DLD: variants seen among roughly 807,000 people sequenced by gnomAD.
The protein encoded by DLD is dihydrolipoyl dehydrogenase, mitochondrial.
In DLD, 36 loss-of-function variants were observed where a neutral mutation model predicts 62.2. The observed-to-expected ratio is 0.58, with a 90% CI of 0.44 to 0.76. The LOEUF (loss-of-function observed/expected upper bound fraction) is 0.76. DLD is among the 30% of genes least tolerant of loss of function. DLD has a pLI of 0.00. For synonymous variants in DLD, 204 were observed against 199.6 expected (o/e 1.02, Z -0.19); for missense variants, 541 against 608.6 (o/e 0.89, Z 1.17).
At chr7:107,893,843 A>G (rs976585884) in intron 2 of DLD, among the ~76,000 whole-genome samples, 2 of 152,226 alleles carry the variant, frequency 1.3e-5, no homozygotes, top group African/African-American at 2.4e-5. Context: ...AGTTTGGATT[A>G]TACTCCAAGT....
At position 107,920,280 on chromosome 7, in the gene DLD, GGA is replaced by G; in HGVS notation, c.*1022_*1023del. On this transcript the variant is annotated 3_prime_UTR_variant, in exon 14 of 14. Coordinates refer to ENST00000205402, the MANE Select transcript of DLD (RefSeq NM_000108.5). Reference sequence around the variant, plus strand: ...GGTGTTTAAAATGGCCATGTCCTGAGGAAACTTAAGTAACAAAGTACTAAATG... The same window carrying G: ...GGTGTTTAAAATGGCCATGTCCTGAGAACTTAAGTAACAAAGTACTAAATG... 6.6e-6 allele frequency: 1 copy of G among 152,274 alleles called. No individual in the cohort carries two copies. The highest frequency in any genetic ancestry group is 2.4e-5 in the African/African-American group (1 of 41,432). The allele number at this position is 152,274 out of a possible 1,614,324, so 9.4% of individuals were successfully genotyped here.
chr7:107,912,654 G>T (rs1392124423), intron 8 of DLD, among the ~76,000 whole-genome samples: 1 of 151,666 alleles, frequency 6.6e-6, no homozygotes, highest in East Asian at 1.9e-4. Context: ...TTCGGATCTG[G>T]TGCTCATTTT....
intron 3 of DLD, 121 bp downstream of exon 3, chr7:107,901,938 G>A (rs970263986): frequency 1.3e-6 from 1 of 797,238 alleles, no homozygotes; most frequent in East Asian, 2.6e-5. Context: ...TAAATTACTT[G>A]TAAGCCTGAG....
intron 5 of DLD, 125 bp downstream of exon 5, chr7:107,903,672 A>G (rs1424563055): frequency 7.0e-6 from 4 of 572,880 alleles, no homozygotes; most frequent in Non-Finnish European, 1.3e-5. Flanking sequence ...AAAATAAATA[A>G]TCTAAAAAAT....
At chr7:107,893,351 G>T (rs2031639136) in intron 2 of DLD, 73 bp downstream of exon 2, 1 of 1,116,938 alleles carries the variant, frequency 9.0e-7, no homozygotes, top group Admixed American at 2.0e-5. Flanking sequence ...GTAAAAGCAA[G>T]TGAATATTGG....
rs767210810 is a variant in DLD, at chr7:107,905,039, A to G, written c.419A>G (p.His140Arg). ...AVKALTGGIA[H>R]LFKQNKVVHV... The stretch of plus-strand genomic sequence containing the variant: ...AAAGCTTTAACAGGTGGAATTGCCC[A>G]CTTATTCAAACAGAATAAGGTCAGT... Residue 140 changes from histidine (H) to arginine (R), a missense_variant, in exon 6 of 14, where the codon CAC (histidine) becomes CGC (arginine). His to Arg is a conservative substitution (Grantham distance 29). Coordinates refer to ENST00000205402, the MANE Select transcript of DLD (RefSeq NM_000108.5). 4.9e-5 allele frequency: 79 copies of G among 1,608,928 alleles called. No homozygotes were observed. Among genetic ancestry groups the G allele is most frequent in the South Asian group, 2.0e-4 (18 of 90,910 alleles).
At chr7:107,908,493 A>T (rs1280708997) in intron 8 of DLD, among the ~76,000 whole-genome samples, 1 of 151,748 alleles carries the variant, frequency 6.6e-6, no homozygotes, top group African/African-American at 2.4e-5. Context: ...CAATGTGAGA[A>T]CTTATCTCTA....
At chr7:107,898,909 G>A (rs1339543555) in intron 2 of DLD, among the ~76,000 whole-genome samples, 2 of 152,130 alleles carry the variant, frequency 1.3e-5, no homozygotes, top group African/African-American at 4.8e-5. Context: ...GACTCAACCT[G>A]TGAAATTATT....
At chr7:107,912,223 T>C (rs928608390) in intron 8 of DLD, among the ~76,000 whole-genome samples, 2 of 152,100 alleles carry the variant, frequency 1.3e-5, no homozygotes, top group Admixed American at 6.5e-5. Context: ...TTTTCTTTGT[T>C]TGTCTGCTGA....
chr7:107,906,188 T>C lies in DLD; in HGVS notation c.583-79T>C, dbSNP rs113165651. The C allele has an allele frequency of 2.4e-3, 1,999 of 849,152 alleles. 28 individuals are homozygous for C. The African/African-American group carries it at 0.031, about 13-fold the overall frequency. 52.6% of individuals were successfully genotyped at this position (849,152 alleles called of 1,614,324 possible). The stretch of plus-strand genomic sequence containing the variant: ...TAATGGTTGGTTAAATCTGCAAATT[T>C]GGAACCCATGGATATGGAGGGTCGA... On this transcript the variant is annotated intron_variant, in intron 7 of 13. Transcript: ENST00000205402.
At chr7:107,913,884 A>G (rs907163105) in intron 8 of DLD, among the ~76,000 whole-genome samples, 22 of 151,952 alleles carry the variant, frequency 1.4e-4, no homozygotes, top group Non-Finnish European at 1.5e-5. Flanking sequence ...TATTATTTTG[A>G]GGTGTGTCCC....
rs1195907430 is a variant in DLD at position 107,920,358 on chromosome 7, A to G, written c.*1099A>G. On this transcript the variant is annotated 3_prime_UTR_variant, in exon 14 of 14. Transcript: ENST00000205402. ...CTAAATTTAAGAATAATTCAGATTA[A>G]GTAGTTCTGAAATTTGGTATAGATA... 2 of 152,344 alleles carry G rather than the reference A, an allele frequency of 1.3e-5. No homozygotes were observed. Among genetic ancestry groups the G allele is most frequent in the Admixed American group, 6.5e-5 (1 of 15,284 alleles). The allele number at this position is 152,344 out of a possible 1,614,324, so 9.4% of individuals were successfully genotyped here.
intron 2 of DLD, among the ~76,000 whole-genome samples, chr7:107,894,494 T>G (rs2116168713): frequency 6.6e-6 from 1 of 152,308 alleles, no homozygotes; most frequent in Non-Finnish European, 1.5e-5. Flanking sequence ...AAGAAATCCT[T>G]TTAAAAAAAT....
chr7:107,917,381 C>G lies in DLD; in HGVS notation c.1155C>G (p.Asp385Glu), dbSNP rs977937851. 1.2e-6 allele frequency: 2 copies of G among 1,613,994 alleles called. No individual in the cohort carries two copies. The highest frequency in any genetic ancestry group is 2.7e-5 in the African/African-American group (2 of 74,892). The change falls in exon 11 of 14, where the codon GAC becomes GAG. Residue 385 changes from aspartate (D) to glutamate (E), a missense_variant. Transcript: ENST00000205402. ...EGMAGGAVHI[D>E]YNCVPSVIYT... The stretch of plus-strand genomic sequence containing the variant: ...TGGCTGGTGGTGCTGTGCACATTGA[C>G]TACAATTGTGTGCCATCAGTGATTT...
At chr7:107,899,138 A>G (rs1275008391) in intron 2 of DLD, among the ~76,000 whole-genome samples, 1 of 151,948 alleles carries the variant, frequency 6.6e-6, no homozygotes, top group Non-Finnish European at 1.5e-5. Flanking sequence ...TCATTCGTTT[A>G]TCCATCAGTG....
At chr7:107,905,529 C>T (rs1562915538) in intron 7 of DLD, 25 bp downstream of exon 7, 3 of 1,609,680 alleles carry the variant, frequency 1.9e-6, no homozygotes, top group Non-Finnish European at 2.6e-6. Flanking sequence ...TAATTTACAA[C>T]CATTACAACT....
chr7:107,902,386 C>T lies in DLD; in HGVS notation c.260C>T (p.Pro87Leu). ...GGTCLNVGCI[P>L]SKALLNNSHY... ...ACATGCTTGAATGTTGGTTGTATTC[C>T]TTCTAAGGTGAGCATGTGTTTTGTA... Residue 87 changes from proline (P) to leucine (L), a missense_variant, in exon 4 of 14, where the codon CCT becomes CTT. Pro to Leu is a moderately conservative substitution (Grantham distance 98, BLOSUM62 -3). Transcript: ENST00000205402. 8 of 1,613,714 alleles carry T rather than the reference C, an allele frequency of 5.0e-6. No individual in the cohort carries two copies. Among genetic ancestry groups the T allele is most frequent in the Non-Finnish European group, 6.8e-6 (8 of 1,179,766 alleles).
chr7:107,902,058 T>TCTATAAATTAC (rs1308846542), intron 3 of DLD, among the ~76,000 whole-genome samples: 1 of 152,158 alleles, frequency 6.6e-6, no homozygotes, highest in African/African-American at 2.4e-5. Context: ...CTAATCACAC[T>TCTATAAATTAC]TTGGAAGATA....
chr7:107,907,677 T>G (rs1482178939), intron 8 of DLD, among the ~76,000 whole-genome samples: 2 of 152,244 alleles, frequency 1.3e-5, no homozygotes, highest in Non-Finnish European at 2.9e-5. Context: ...TTCTTGTATT[T>G]TTCAGTCTTC....
Sources: allele counts gnomAD v4.1 joint callset (sites outside exome capture counted in the v4.1 genomes callset), GRCh38; gene constraint gnomAD v4.1.1; transcripts MANE v1.5; gene names NCBI Gene and HGNC (gene_info 2026-07-23, HGNC 2026-07-21).